EFR3A: variants seen among roughly 807,000 people sequenced by gnomAD.
EFR3A encodes EFR3 homolog A.
Under a neutral mutation model 104.4 loss-of-function variants are expected in EFR3A, and 76 were observed. The observed-to-expected ratio is 0.73, with a 90% CI of 0.60 to 0.88. EFR3A has a LOEUF of 0.88. Ranked by LOEUF, EFR3A falls within the 40% of genes least tolerant of loss-of-function variation. The probability of loss-of-function intolerance (pLI) is 0.00; values close to 1 mark genes in which losing one functional copy is unlikely to be tolerated. For synonymous variants in EFR3A, 330 were observed against 330.0 expected (o/e 1.00, Z 0.00); for missense variants, 985 against 1,012.5 (o/e 0.97, Z 0.37).
At chr8:131,954,888 G>A (rs954566226) in intron 6 of EFR3A, among the ~76,000 whole-genome samples, 2 of 151,926 alleles carry the variant, frequency 1.3e-5, no homozygotes, top group African/African-American at 4.8e-5. Context: ...ATAACTCTAT[G>A]GTAACACACG....
At chr8:131,919,108 C>G (rs1816876046) in intron 1 of EFR3A, among the ~76,000 whole-genome samples, 1 of 151,114 alleles carries the variant, frequency 6.6e-6, no homozygotes. Flanking sequence ...TAAAGCTTAG[C>G]TAAAAATCTG....
intron 1 of EFR3A, among the ~76,000 whole-genome samples, chr8:131,929,675 G>C (rs1817487012): frequency 6.6e-6 from 1 of 152,092 alleles, no homozygotes; most frequent in Admixed American, 6.6e-5. Flanking sequence ...GGCATGGTAG[G>C]CTTCACTAAA....
intron 1 of EFR3A, among the ~76,000 whole-genome samples, chr8:131,920,273 G>C (rs1816938161): frequency 6.6e-6 from 1 of 152,114 alleles, no homozygotes; most frequent in African/African-American, 2.4e-5. Flanking sequence ...CTGTGAGTTT[G>C]TAAAGTAAAA....
chr8:131,922,291 A>C (rs7004484), intron 1 of EFR3A, among the ~76,000 whole-genome samples: 37,089 of 151,942 alleles, frequency 0.24, 4,780 homozygotes, highest in East Asian at 0.44. Context: ...ATAAAGTCAC[A>C]ATGGCAGGTA....
chr8:131,933,291 A>G (rs1320551001), intron 1 of EFR3A, among the ~76,000 whole-genome samples: 3 of 152,148 alleles, frequency 2.0e-5, no homozygotes, highest in African/African-American at 7.2e-5. Context: ...GGTCAGTGAC[A>G]TGTAGGGTCC....
At chr8:131,919,797 C>T (rs969347715) in intron 1 of EFR3A, among the ~76,000 whole-genome samples, 1 of 151,312 alleles carries the variant, frequency 6.6e-6, no homozygotes, top group Non-Finnish European at 1.5e-5. Context: ...CTTGTGAAAA[C>T]GAAAGACTCT....
intron 1 of EFR3A, 122 bp from the exon 2 acceptor site, chr8:131,940,373 GTCTT>G: frequency 1.2e-6 from 1 of 859,644 alleles, no homozygotes; most frequent in Non-Finnish European, 1.7e-6. Flanking sequence ...ACATTTGTAT[GTCTT>G]TATTTGTGAC....
At chr8:131,913,840 C>G (rs188304596) in intron 1 of EFR3A, among the ~76,000 whole-genome samples, 4 of 152,140 alleles carry the variant, frequency 2.6e-5, no homozygotes, top group Non-Finnish European at 5.9e-5. Flanking sequence ...GTTGTCATTT[C>G]CTGGAATCTC....
At chr8:131,936,291 C>A (rs1234280931) in intron 1 of EFR3A, among the ~76,000 whole-genome samples, 1 of 152,110 alleles carries the variant, frequency 6.6e-6, no homozygotes, top group Non-Finnish European at 1.5e-5. Context: ...CTGCTTGCTT[C>A]TTCTACTATA....
intron 1 of EFR3A, among the ~76,000 whole-genome samples, chr8:131,935,914 G>T (rs769099176): frequency 6.6e-6 from 1 of 151,696 alleles, no homozygotes; most frequent in Non-Finnish European, 1.5e-5. Flanking sequence ...AGTTGCATAG[G>T]AAAGCAAATG....
Position 131,925,654 on chromosome 8 carries a change from A to AT in EFR3A, c.11-14835dup, listed in dbSNP as rs34129071. On this transcript the variant is annotated intron_variant, in intron 1 of 22. Coordinates refer to ENST00000254624, the MANE Select transcript of EFR3A (RefSeq NM_015137.6). ...ATGTTTCCTGTGGCAGAGGGAAGTA[A>AT]TTTTTTTTTTAATAAGGTCTTCTCT... is the stretch of plus-strand genomic sequence containing the variant. 5.0e-4 allele frequency among the ~76,000 whole-genome samples: 76 copies of AT among 150,554 alleles called. No individual in the cohort carries two copies. The South Asian group carries it at 7.6e-3, about 15-fold the overall frequency.
chr8:132,006,187 AAAG>A (rs1822041063), intron 22 of EFR3A, among the ~76,000 whole-genome samples: 2 of 152,148 alleles, frequency 1.3e-5, no homozygotes, highest in Non-Finnish European at 2.9e-5. Flanking sequence ...GACATTAGAG[AAAG>A]AAGAACAACA....
intron 7 of EFR3A, among the ~76,000 whole-genome samples, chr8:131,957,390 G>T (rs1819059752): frequency 7.2e-6 from 1 of 137,996 alleles, no homozygotes; most frequent in Non-Finnish European, 1.5e-5. Flanking sequence ...TGCTGTTGTT[G>T]CCCAGGCTGG....
At chr8:131,909,917 C>T (rs761764251) in intron 1 of EFR3A, among the ~76,000 whole-genome samples, 13 of 152,170 alleles carry the variant, frequency 8.5e-5, no homozygotes, top group African/African-American at 1.4e-4. Flanking sequence ...ATACTATGCC[C>T]GCAGCCTGGC....
intron 19 of EFR3A, chr8:132,000,870 A>G (rs1238581005): frequency 6.6e-6 from 1 of 152,174 alleles, no homozygotes; most frequent in Admixed American, 6.5e-5. Flanking sequence ...CTTGATTTCC[A>G]GCTAAAGCCT....
chr8:131,994,642 A>T (rs1480141522), intron 18 of EFR3A, among the ~76,000 whole-genome samples: 1 of 152,230 alleles, frequency 6.6e-6, no homozygotes, highest in Non-Finnish European at 1.5e-5. Flanking sequence ...TGAAAGCTAT[A>T]CTAAGAGTTT....
Position 131,965,926 on chromosome 8 carries a change from T to C in EFR3A, c.856-2369T>C, listed in dbSNP as rs571451626. Among the ~76,000 whole-genome samples, 100 of 151,938 alleles carry C rather than the reference T, an allele frequency of 6.6e-4. 1 individual carries two copies. The East Asian group carries it at 0.019, about 28-fold the overall frequency. On this transcript the variant is annotated intron_variant, in intron 8 of 22. Transcript: ENST00000254624. ...GTCCTTTGTAGGGACATGGATGAAA[T>C]TGGAAACCATCATTCTCAGCAAACT... is the stretch of plus-strand genomic sequence containing the variant.
intron 8 of EFR3A, among the ~76,000 whole-genome samples, chr8:131,960,990 C>A (rs1397797929): frequency 6.6e-6 from 1 of 152,194 alleles, no homozygotes; most frequent in African/African-American, 2.4e-5. Context: ...AACAGACCTG[C>A]AGCTGAGGGT....
chr8:131,918,981 T>C (rs1166666765), intron 1 of EFR3A, among the ~76,000 whole-genome samples: 1 of 152,182 alleles, frequency 6.6e-6, no homozygotes, highest in Non-Finnish European at 1.5e-5. Context: ...CTGTGATAGA[T>C]TCTTTATGCT....
Sources: allele counts gnomAD v4.1 joint callset (sites outside exome capture counted in the v4.1 genomes callset), GRCh38; gene constraint gnomAD v4.1.1; transcripts MANE v1.5; gene names NCBI Gene and HGNC (gene_info 2026-07-23, HGNC 2026-07-21).